The following CEP83 variants were observed in gnomAD, a reference collection of about 807,000 sequenced individuals.
CEP83 encodes centrosomal protein 83, also known as centrosomal protein of 83 kDa.
Under a neutral mutation model 101.9 loss-of-function variants are expected in CEP83, and 70 were observed. The ratio of observed to expected loss-of-function variants is 0.69; its 90% confidence interval spans 0.57 to 0.84. CEP83 has a LOEUF of 0.84. CEP83 is among the 40% of genes least tolerant of loss of function. CEP83 has a pLI of 0.00. For missense variants in CEP83, 715 were observed against 787.2 expected (o/e 0.91, Z 1.10); for synonymous variants, 264 against 267.9 (o/e 0.99, Z 0.14).
chr12:94,426,049 G>A (rs1036093458), intron 2 of CEP83, among the ~76,000 whole-genome samples: 5 of 151,830 alleles, frequency 3.3e-5, no homozygotes, highest in Non-Finnish European at 5.9e-5. Flanking sequence ...GTGAACCTGG[G>A]AGGTGGAGCT....
At chr12:94,276,027 G>A in the CEP83 span, among the ~76,000 whole-genome samples, 1 of 152,158 alleles carries the variant, frequency 6.6e-6, no homozygotes, top group Non-Finnish European at 1.5e-5. Context: ...GGAGGCAGTG[G>A]CAGATTTACA....
chr12:94,416,386 A>G (rs1365682052), intron 2 of CEP83, among the ~76,000 whole-genome samples: 1 of 152,152 alleles, frequency 6.6e-6, no homozygotes, highest in African/African-American at 2.4e-5. Context: ...TCTTTTTCAT[A>G]TATCTCAGAC....
At chr12:94,330,073 G>T (rs1017322951) in intron 14 of CEP83, among the ~76,000 whole-genome samples, 2 of 152,128 alleles carry the variant, frequency 1.3e-5, no homozygotes, top group African/African-American at 4.8e-5. Context: ...CAGAATAACT[G>T]AACGATCTAC....
intron 2 of CEP83, among the ~76,000 whole-genome samples, chr12:94,429,281 C>G (rs1003557952): frequency 6.6e-6 from 1 of 152,198 alleles, no homozygotes; most frequent in African/African-American, 2.4e-5. Context: ...CAGGGGTCCA[C>G]ATTCCCACCA....
intron 6 of CEP83, among the ~76,000 whole-genome samples, chr12:94,395,713 C>T (rs1035368056): frequency 2.0e-5 from 3 of 151,934 alleles, no homozygotes; most frequent in Non-Finnish European, 2.9e-5. Flanking sequence ...CCCAGCTACT[C>T]GGGAGGCTGA....
chr12:94,424,837 A>T, intron 2 of CEP83: 4 of 1,599,002 alleles, frequency 2.5e-6, no homozygotes, highest in Non-Finnish European at 3.4e-6. Flanking sequence ...TGCTTCCACT[A>T]CTGCTGTTAG....
At chr12:94,351,735 G>T (rs2060205603) in intron 11 of CEP83, among the ~76,000 whole-genome samples, 1 of 152,078 alleles carries the variant, frequency 6.6e-6, no homozygotes, top group African/African-American at 2.4e-5. Flanking sequence ...ATACCTGTAG[G>T]GACCAATGAT....
At chr12:94,417,605 A>G (rs185667734) in intron 2 of CEP83, among the ~76,000 whole-genome samples, 15 of 152,200 alleles carry the variant, frequency 9.9e-5, no homozygotes, top group African/African-American at 3.6e-4. Flanking sequence ...CCTGGCCAAC[A>G]TGGCAAAACC....
chr12:94,398,143 G>A (rs2063017793), intron 6 of CEP83, among the ~76,000 whole-genome samples: 1 of 152,224 alleles, frequency 6.6e-6, no homozygotes, highest in Non-Finnish European at 1.5e-5. Context: ...CATATGTATG[G>A]TCTCCCCCAC....
In CEP83 at chr12:94,333,507, C is replaced by A. The variant is rs1249311481; in HGVS notation, c.1552G>T (p.Glu518Ter). The change falls in exon 13 of 17, where the codon GAA becomes TAA. Residue 518 changes from glutamate (E) to a stop codon, truncating the protein, a stop_gained. Coordinates refer to ENST00000397809, the MANE Select transcript of CEP83 (RefSeq NM_016122.3). LOFTEE classifies it high-confidence loss of function. ...TTTTCAGCTTCTAGTTGCGCTTTTT[C>A]AGCTTGGCTTCTAAAATTTCGGCAT... ...QECRNFRSQA[E>*]KAQLEAEKTL... The A allele has an allele frequency of 6.2e-6, 10 of 1,612,924 alleles. No homozygotes were observed. Among genetic ancestry groups the A allele is most frequent in the Non-Finnish European group, 8.5e-6 (10 of 1,179,604 alleles).
At chr12:94,340,739 G>A (rs145967340) in intron 11 of CEP83, among the ~76,000 whole-genome samples, 209 of 152,242 alleles carry the variant, frequency 1.4e-3, no homozygotes, top group Non-Finnish European at 2.4e-3. Flanking sequence ...GCCCAGCCTC[G>A]ACTCTAGACT....
intron 14 of CEP83, among the ~76,000 whole-genome samples, chr12:94,327,030 A>T (rs1277532711): frequency 6.6e-6 from 1 of 152,098 alleles, no homozygotes; most frequent in Non-Finnish European, 1.5e-5. Flanking sequence ...CTCAGGATGA[A>T]TCACAGGTTT....
intron 2 of CEP83, among the ~76,000 whole-genome samples, chr12:94,429,882 T>C (rs999658447): frequency 8.5e-5 from 13 of 152,104 alleles, no homozygotes; most frequent in African/African-American, 2.9e-4. Flanking sequence ...GCAAGTGAAA[T>C]GCATGTTCCT....
intron 4 of CEP83, 135 bp downstream of exon 4, chr12:94,411,562 T>C: frequency 1.6e-6 from 1 of 637,920 alleles, no homozygotes; most frequent in South Asian, 2.3e-5. Context: ...GAAGATTAAA[T>C]TGTACCACTT....
intron 11 of CEP83, among the ~76,000 whole-genome samples, chr12:94,357,373 G>A (rs1009996688): frequency 5.9e-5 from 9 of 152,250 alleles, no homozygotes; most frequent in African/African-American, 2.2e-4. Context: ...GAAAAAATCA[G>A]CGAGTCAGGC....
At chr12:94,417,506 C>G (rs958154538) in intron 2 of CEP83, among the ~76,000 whole-genome samples, 1 of 151,976 alleles carries the variant, frequency 6.6e-6, no homozygotes, top group Non-Finnish European at 1.5e-5. Flanking sequence ...AACCACTGGT[C>G]GGCCAGGCAC....
chr12:94,363,816 C>A (rs1359080501), intron 11 of CEP83, among the ~76,000 whole-genome samples: 1 of 151,814 alleles, frequency 6.6e-6, no homozygotes, highest in African/African-American at 2.4e-5. Context: ...GGTATGGTAG[C>A]AGGCGCCTTT....
Position 94,378,841 on chromosome 12 carries a change from T to C in CEP83, c.751A>G (p.Ile251Val). The C allele has an allele frequency of 1.2e-6, 2 of 1,614,134 alleles. No homozygotes were observed. The highest frequency in any genetic ancestry group is 1.7e-6 in the Non-Finnish European group (2 of 1,179,976). ...SEAQVENAQR[I>V]QVRQLAEMQA... ...ATCTCAGCCAACTGCCGCACCTGTATTCTTTGGGCATTTTCCACCTGAGCC... is the reference window on the plus strand; with the variant it reads ...ATCTCAGCCAACTGCCGCACCTGTACTCTTTGGGCATTTTCCACCTGAGCC... Residue 251 changes from isoleucine to valine, a missense_variant, in exon 7 of 17, where the codon ATA becomes GTA. Physicochemically the swap from Ile to Val is conservative, Grantham distance 29. Transcript: ENST00000397809.
chr12:94,337,216 A>G (rs1042740717), intron 11 of CEP83, among the ~76,000 whole-genome samples: 2 of 152,236 alleles, frequency 1.3e-5, no homozygotes, highest in African/African-American at 4.8e-5. Context: ...AGCTGAAGCC[A>G]AAGAAACCAA....
Sources: gnomAD v4.1 joint callset for allele counts (sites outside exome capture counted in the v4.1 genomes callset) on GRCh38, gnomAD v4.1.1 for gene constraint, MANE v1.5 for transcripts, NCBI Gene and HGNC (gene_info 2026-07-23, HGNC 2026-07-21) for gene names.